The following PXDNL variants were observed in gnomAD, a reference collection of about 807,000 sequenced individuals.
PXDNL encodes peroxidasin like, also known as probable oxidoreductase PXDNL.
In PXDNL, 145 loss-of-function variants were observed where a neutral mutation model predicts 150.8. That is an observed-to-expected ratio of 0.96 (90% CI 0.84 to 1.10). The LOEUF (loss-of-function observed/expected upper bound fraction) is 1.10. Ranked by LOEUF, PXDNL falls within the 50% of genes least tolerant of loss-of-function variation. PXDNL has a pLI of 0.00. For synonymous variants in PXDNL, 757 were observed against 725.7 expected (o/e 1.04, Z -0.69); for missense variants, 2,087 against 1,873.9 (o/e 1.11, Z -2.10).
intron 4 of PXDNL, among the ~76,000 whole-genome samples, chr8:51,525,829 G>C (rs1811759677): frequency 6.6e-6 from 1 of 152,150 alleles, no homozygotes; most frequent in Non-Finnish European, 1.5e-5. Flanking sequence ...CCCAGGAAAT[G>C]TGCAGGCCAG....
At chr8:51,695,511 G>A (rs1445506586) in intron 1 of PXDNL, among the ~76,000 whole-genome samples, 1 of 151,930 alleles carries the variant, frequency 6.6e-6, no homozygotes, top group Non-Finnish European at 1.5e-5. Flanking sequence ...TACTTCTTGT[G>A]TTTGGTGTCA....
At chr8:51,805,735 T>A (rs897830767) in intron 1 of PXDNL, among the ~76,000 whole-genome samples, 4 of 152,224 alleles carry the variant, frequency 2.6e-5, no homozygotes, top group African/African-American at 9.6e-5. Context: ...AAATCCTCGA[T>A]CATTAAAACA....
chr8:51,612,308 T>C lies in PXDNL; in HGVS notation c.237-19610A>G, dbSNP rs140126952. On this transcript the variant is annotated intron_variant, in intron 2 of 22. Transcript: ENST00000356297. ...TTCATGAAATGGGCAGCAGCAGATA[T>C]AGGAGGAGAAAGGCGAGTAAAATTG... 4.3e-3 allele frequency among the ~76,000 whole-genome samples: 650 copies of C among 152,162 alleles called. 3 individuals are homozygous for C. The highest frequency in any genetic ancestry group is 0.015 in the African/African-American group (610 of 41,502).
chr8:51,390,746 T>A (rs1403527103), intron 17 of PXDNL, among the ~76,000 whole-genome samples: 5 of 152,148 alleles, frequency 3.3e-5, no homozygotes, highest in South Asian at 2.1e-4. Context: ...CTTTTTTTTT[T>A]ATTTTATTAT....
At chr8:51,359,147 G>A (rs1806629163) in intron 19 of PXDNL, among the ~76,000 whole-genome samples, 1 of 70,366 alleles carries the variant, frequency 1.4e-5, no homozygotes, top group Non-Finnish European at 3.3e-5. Flanking sequence ...GACAACTTGA[G>A]CCAAGATAAA....
Position 51,411,293 on chromosome 8 carries a change from C to A in PXDNL, c.2019G>T (p.Arg673=). 2 of 1,556,190 alleles carry A rather than the reference C, an allele frequency of 1.3e-6. No individual in the cohort carries two copies. Among genetic ancestry groups the A allele is most frequent in the Middle Eastern group, 1.7e-4 (1 of 5,918 alleles). Residue 673 remains arginine, a synonymous_variant, in exon 16 of 23, where the codon CGG becomes CGT. Transcript: ENST00000356297. ...EIFEHTLQLI[R]ERVKQGLTVD... is the part of the protein sequence containing the mutation. The stretch of plus-strand genomic sequence containing the variant: ...CAGTGAGCCCCTGCTTCACACGTTC[C>A]CGTATCAGCTGCAGCGTGTGCTCAA...
At chr8:51,711,944 A>C (rs1250335461) in intron 1 of PXDNL, among the ~76,000 whole-genome samples, 1 of 152,244 alleles carries the variant, frequency 6.6e-6, no homozygotes, top group Non-Finnish European at 1.5e-5. Flanking sequence ...CACTGAGACA[A>C]CAAGTATTGC....
At chr8:51,610,661 G>A (rs80153252) in intron 2 of PXDNL, among the ~76,000 whole-genome samples, 18 of 152,072 alleles carry the variant, frequency 1.2e-4, no homozygotes, top group East Asian at 3.9e-4. Flanking sequence ...TCTGCTAAGC[G>A]TCTCACCAGG....
At chr8:51,761,657 C>T (rs1199287624) in intron 1 of PXDNL, among the ~76,000 whole-genome samples, 2 of 152,160 alleles carry the variant, frequency 1.3e-5, no homozygotes, top group Non-Finnish European at 2.9e-5. Flanking sequence ...TATTCTTTTT[C>T]AAAATGTACT....
At chr8:51,618,475 A>G (rs1043607463) in intron 2 of PXDNL, among the ~76,000 whole-genome samples, 47 of 152,208 alleles carry the variant, frequency 3.1e-4, no homozygotes, top group African/African-American at 1.1e-3. Flanking sequence ...TTAAAGAGAA[A>G]GTGCAGTAGT....
At chr8:51,353,707 A>G (rs1806420460) in intron 19 of PXDNL, among the ~76,000 whole-genome samples, 1 of 152,186 alleles carries the variant, frequency 6.6e-6, no homozygotes, top group South Asian at 2.1e-4. Context: ...AGTTAAAGAC[A>G]TCTTTCACAA....
chr8:51,586,043 C>A (rs1813315696), intron 3 of PXDNL, among the ~76,000 whole-genome samples: 1 of 152,104 alleles, frequency 6.6e-6, no homozygotes, highest in Admixed American at 6.6e-5. Context: ...TCCTCCCATC[C>A]CTGATTCATA....
chr8:51,717,098 G>A (rs927750744), intron 1 of PXDNL, among the ~76,000 whole-genome samples: 4 of 152,142 alleles, frequency 2.6e-5, no homozygotes, highest in African/African-American at 9.7e-5. Flanking sequence ...ATTATCCTTA[G>A]TATGTGGCCT....
At chr8:51,515,568 C>T (rs1237620850) in intron 4 of PXDNL, among the ~76,000 whole-genome samples, 1 of 152,192 alleles carries the variant, frequency 6.6e-6, no homozygotes, top group Non-Finnish European at 1.5e-5. Context: ...AAACACATTC[C>T]TTGCCTTCAT....
At chr8:51,400,975 A>G (rs1053286536) in intron 17 of PXDNL, among the ~76,000 whole-genome samples, 1 of 152,162 alleles carries the variant, frequency 6.6e-6, no homozygotes, top group African/African-American at 2.4e-5. Flanking sequence ...AATGAGTCTC[A>G]CCCAAGCATG....
At chr8:51,599,641 T>A (rs971028165) in intron 2 of PXDNL, among the ~76,000 whole-genome samples, 4 of 146,200 alleles carry the variant, frequency 2.7e-5, no homozygotes, top group Admixed American at 6.9e-5. Flanking sequence ...ATAAATGATA[T>A]CATTTATATA....
At chr8:51,627,031 GT>G (rs914543915) in intron 2 of PXDNL, among the ~76,000 whole-genome samples, 7 of 152,068 alleles carry the variant, frequency 4.6e-5, no homozygotes, top group African/African-American at 1.7e-4. Flanking sequence ...CATTTAATAA[GT>G]TTTTTTAACA....
In PXDNL at chr8:51,319,910, T is replaced by G. The variant is rs761300116; in HGVS notation, c.4373A>C (p.Asp1458Ala). The stretch of plus-strand genomic sequence containing the variant: ...CTTTTATTAGCGCTTCTCTGGGGAA[T>G]CACTTGGCATTCCTCGGTCTCTGCA... Reference protein sequence around the residue: ...PVCRDRGMPSDSPEKR With the variant: ...PVCRDRGMPSASPEKR The change falls in exon 23 of 23, where the codon GAT becomes GCT. Residue 1458 changes from aspartate to alanine, a missense_variant. Asp to Ala is a moderately radical substitution (Grantham distance 126). Transcript: ENST00000356297. The G allele has an allele frequency of 6.5e-7, 1 of 1,545,546 alleles. No homozygotes were observed. The highest frequency in any genetic ancestry group is 8.7e-7 in the Non-Finnish European group (1 of 1,149,596).
rs541520809 is a variant in PXDNL, at chr8:51,767,481, T to C, written c.164+41700A>G. On this transcript the variant is annotated intron_variant, in intron 1 of 22. Transcript: ENST00000356297. Reference sequence around the variant, plus strand: ...TAGCTAATTGTTAGTTAGCTAATTATTAGACAGAGATTTCCTTAAACACCT... The same window carrying C: ...TAGCTAATTGTTAGTTAGCTAATTACTAGACAGAGATTTCCTTAAACACCT... Among the ~76,000 whole-genome samples the C allele has an allele frequency of 1.1e-3, 167 of 152,286 alleles. 3 individuals carry two copies. The highest frequency in any genetic ancestry group is 5.6e-3 in the South Asian group (27 of 4,826).
Sources: gnomAD v4.1 joint callset for allele counts (sites outside exome capture counted in the v4.1 genomes callset) on GRCh38, gnomAD v4.1.1 for gene constraint, MANE v1.5 for transcripts, NCBI Gene and HGNC (gene_info 2026-07-23, HGNC 2026-07-21) for gene names.